ST6GAL1: variants seen among roughly 807,000 people sequenced by gnomAD.
ST6GAL1 encodes ST6 beta-galactoside alpha-2,6-sialyltransferase 1.
ST6GAL1 carries 20 observed loss-of-function variants against 38.0 expected under a neutral mutation model. The observed-to-expected ratio is 0.53, with a 90% confidence interval of 0.37 to 0.77. ST6GAL1 has a LOEUF of 0.77. ST6GAL1 is among the 30% of genes least tolerant of loss of function. The probability of loss-of-function intolerance (pLI) is 0.00; values close to 1 mark genes in which losing one functional copy is unlikely to be tolerated. For synonymous variants in ST6GAL1, 196 were observed against 188.2 expected (o/e 1.04, Z -0.34); for missense variants, 432 against 496.4 (o/e 0.87, Z 1.23).
intron 2 of ST6GAL1, among the ~76,000 whole-genome samples, chr3:187,008,454 G>A (rs1333392998): frequency 6.6e-6 from 1 of 151,892 alleles, no homozygotes; most frequent in East Asian, 1.9e-4. Context: ...CAAAGACGAA[G>A]ACAGTGAAAC....
intron 5 of ST6GAL1, among the ~76,000 whole-genome samples, chr3:187,052,108 G>A (rs1304292670): frequency 6.6e-6 from 1 of 152,078 alleles, no homozygotes; most frequent in Non-Finnish European, 1.5e-5. Flanking sequence ...TGGGCATGGG[G>A]TGGATCCTGG....
At chr3:187,073,483 A>G (rs576995038) in intron 6 of ST6GAL1, 10 of 161,074 alleles carry the variant, frequency 6.2e-5, no homozygotes, top group African/African-American at 2.4e-4. Flanking sequence ...CAGATCTGCA[A>G]CAGCAGCTCT....
chr3:186,989,630 A>G (rs1382050656), intron 2 of ST6GAL1, among the ~76,000 whole-genome samples: 1 of 152,238 alleles, frequency 6.6e-6, no homozygotes, highest in Non-Finnish European at 1.5e-5. Context: ...GGCTAGTGGG[A>G]GCTGGCAGAA....
intron 2 of ST6GAL1, among the ~76,000 whole-genome samples, chr3:186,972,341 C>T (rs891487056): frequency 2.6e-5 from 4 of 151,938 alleles, no homozygotes; most frequent in South Asian, 2.1e-4. Flanking sequence ...CTCCACCTCC[C>T]GGGTTCAAGT....
Position 186,970,030 on chromosome 3 carries a change from A to G in ST6GAL1, c.-183+6104A>G, listed in dbSNP as rs149736362. Among the ~76,000 whole-genome samples, 374 of 152,218 alleles carry G rather than the reference A, an allele frequency of 2.5e-3. 2 individuals are homozygous for G. The highest frequency in any genetic ancestry group is 8.3e-3 in the African/African-American group (346 of 41,538). On this transcript the variant is annotated intron_variant, in intron 2 of 7. Coordinates refer to ENST00000169298, the MANE Select transcript of ST6GAL1 (RefSeq NM_173216.2). ...ACAGGAAGTTGAAAAGATAGTACAG[A>G]GACTCCTGATGCATCCTTCCTTTAG...
chr3:187,025,455 T>A (rs1301744577), intron 2 of ST6GAL1: 1 of 152,310 alleles, frequency 6.6e-6, no homozygotes, highest in East Asian at 1.9e-4. Context: ...ACTCTCTATA[T>A]AGGCCCTTCC....
Position 187,067,272 on chromosome 3 carries a change from AGACGAGGTTTTACTAT to A in ST6GAL1, c.706-5575_706-5560del, listed in dbSNP as rs200975841. On this transcript the variant is annotated intron_variant, in intron 5 of 7. Transcript: ENST00000169298. Reference sequence around the variant, plus strand: ...TGGCTAATTTTTGTATTTTTAGTAGAGACGAGGTTTTACTATGTTGGCCAGGGTGATCTCGAACTCC... The same window carrying A: ...TGGCTAATTTTTGTATTTTTAGTAGAGTTGGCCAGGGTGATCTCGAACTCC... Among the ~76,000 whole-genome samples, 1,371 of 150,888 alleles carry A rather than the reference AGACGAGGTTTTACTAT, an allele frequency of 9.1e-3. 45 individuals carry two copies. Among genetic ancestry groups the A allele is most frequent in the Admixed American group, 0.053 (807 of 15,160 alleles).
chr3:186,965,283 A>C (rs750509553), intron 2 of ST6GAL1, among the ~76,000 whole-genome samples: 14 of 152,228 alleles, frequency 9.2e-5, no homozygotes, highest in Non-Finnish European at 1.6e-4. Flanking sequence ...CTGAAATCAG[A>C]GTTTTTGACT....
intron 5 of ST6GAL1, among the ~76,000 whole-genome samples, chr3:187,071,776 C>CAAAAAAAAAAAA (rs11330261): frequency 5.1e-4 from 37 of 72,296 alleles, no homozygotes; most frequent in East Asian, 1.4e-3. Context: ...GACTCCGCCT[C>CAAAAAAAAAAAA]AAAAAAAAAA....
At chr3:187,060,828 G>A (rs1217232021) in intron 5 of ST6GAL1, among the ~76,000 whole-genome samples, 1 of 152,120 alleles carries the variant, frequency 6.6e-6, no homozygotes, top group Non-Finnish European at 1.5e-5. Context: ...TCATTTATTT[G>A]TGGTCAGCTG....
intron 5 of ST6GAL1, among the ~76,000 whole-genome samples, chr3:187,053,659 T>G (rs1190634179): frequency 6.6e-6 from 1 of 152,218 alleles, no homozygotes; most frequent in Non-Finnish European, 1.5e-5. Context: ...TTCGTCTATA[T>G]ATCTGTTTTG....
At position 187,076,702 on chromosome 3, in the gene ST6GAL1, C is replaced by T; in HGVS notation, c.*899C>T. 4 of 397,642 alleles carry T rather than the reference C, an allele frequency of 1.0e-5. No individual in the cohort carries two copies. Among genetic ancestry groups the T allele is most frequent in the Non-Finnish European group, 1.8e-5 (4 of 225,956 alleles). The allele number at this position is 397,642 out of a possible 1,614,324, so 24.6% of individuals were successfully genotyped here. ...AAGAAACATGGCAAGCAGATTACAT[C>T]TGAGCCGTTTGAATTGTGTTTTTCT... On this transcript the variant is annotated 3_prime_UTR_variant, in exon 8 of 8. Coordinates refer to ENST00000169298, the MANE Select transcript of ST6GAL1 (RefSeq NM_173216.2).
At chr3:186,980,603 C>CAA (rs34503745) in intron 2 of ST6GAL1, among the ~76,000 whole-genome samples, 4,297 of 92,114 alleles carry the variant, frequency 0.047, 119 homozygotes, top group East Asian at 0.12. Context: ...ACTAAAATTA[C>CAA]AAAAAAAAAA....
At chr3:187,006,707 T>C (rs1716797855) in intron 2 of ST6GAL1, among the ~76,000 whole-genome samples, 1 of 152,258 alleles carries the variant, frequency 6.6e-6, no homozygotes, top group Non-Finnish European at 1.5e-5. Flanking sequence ...GCTGGAATTT[T>C]GGCAATCTGG....
At chr3:187,001,010 T>C (rs11711828) in intron 2 of ST6GAL1, among the ~76,000 whole-genome samples, 28,836 of 152,134 alleles carry the variant, frequency 0.19, 2,794 homozygotes, top group African/African-American at 0.21. Flanking sequence ...GTGAGGCCAT[T>C]GTTGGCAGAA....
chr3:187,043,595 T>G (rs780864840), intron 4 of ST6GAL1: 10 of 219,488 alleles, frequency 4.6e-5, no homozygotes, highest in Non-Finnish European at 9.1e-5. Flanking sequence ...ATACGTGTAT[T>G]CAATGTGTAA....
At chr3:187,029,742 G>T (rs556681280) in intron 2 of ST6GAL1, among the ~76,000 whole-genome samples, 2 of 152,130 alleles carry the variant, frequency 1.3e-5, no homozygotes, top group Non-Finnish European at 2.9e-5. Context: ...CAGAGGGTTG[G>T]ATTTAACCAG....
intron 1 of ST6GAL1, among the ~76,000 whole-genome samples, chr3:186,946,217 G>T (rs1714363590): frequency 6.6e-6 from 1 of 151,896 alleles, no homozygotes; most frequent in East Asian, 1.9e-4. Flanking sequence ...TGGGGCTGAG[G>T]CAGAAGAGTG....
intron 2 of ST6GAL1, among the ~76,000 whole-genome samples, chr3:187,032,399 GT>G (rs1409150510): frequency 6.6e-6 from 1 of 152,180 alleles, no homozygotes; most frequent in Non-Finnish European, 1.5e-5. Context: ...TGCCCACAGT[GT>G]TTTCTACAGG....
Sources: gnomAD v4.1 joint callset for allele counts (sites outside exome capture counted in the v4.1 genomes callset) on GRCh38, gnomAD v4.1.1 for gene constraint, MANE v1.5 for transcripts, NCBI Gene and HGNC (gene_info 2026-07-23, HGNC 2026-07-21) for gene names.